Variants in GAS7 observed in about 807,000 individuals in gnomAD.
GAS7 encodes growth arrest-specific protein 7.
A neutral mutation model predicts 71.1 loss-of-function variants in GAS7; 28 were observed. The observed-to-expected ratio is 0.39, with a 90% CI of 0.29 to 0.54. The LOEUF is 0.54. Ranked by LOEUF, GAS7 falls within the 20% of genes least tolerant of loss-of-function variation. The probability of loss-of-function intolerance (pLI) is 0.62; values close to 1 mark genes in which losing one functional copy is unlikely to be tolerated. For synonymous variants in GAS7, 258 were observed against 245.8 expected (o/e 1.05, Z -0.46); for missense variants, 436 against 627.8 (o/e 0.69, Z 3.27).
chr17:9,952,242 C>A (rs537411010), intron 5 of GAS7, among the ~76,000 whole-genome samples: 1 of 152,256 alleles, frequency 6.6e-6, no homozygotes, highest in African/African-American at 2.4e-5. Flanking sequence ...ACTTTGAGAA[C>A]CAGCATTCGT....
rs555374497 is a variant in GAS7, at chr17:10,090,763, G to A, written c.184-70866C>T. Among the ~76,000 whole-genome samples the A allele has an allele frequency of 3.3e-3, 506 of 152,260 alleles. 2 individuals carry two copies. The highest frequency in any genetic ancestry group is 9.7e-3 in the South Asian group (47 of 4,824). ...ACATCCTCAGTTTTTGGATGAGGACGTGGAGTGCCCAGATAGGGAGTGACT... is the reference window on the plus strand; with the variant it reads ...ACATCCTCAGTTTTTGGATGAGGACATGGAGTGCCCAGATAGGGAGTGACT... On this transcript the variant is annotated intron_variant, in intron 1 of 13. Transcript: ENST00000432992.
chr17:10,017,427 C>G (rs964691293), intron 2 of GAS7, among the ~76,000 whole-genome samples: 12 of 151,768 alleles, frequency 7.9e-5, no homozygotes, highest in African/African-American at 2.4e-5. Flanking sequence ...CTCACGCGTT[C>G]AAGCGATTCT....
intron 1 of GAS7, among the ~76,000 whole-genome samples, chr17:10,104,860 C>A: frequency 6.6e-6 from 1 of 152,140 alleles, no homozygotes; most frequent in South Asian, 2.1e-4. Flanking sequence ...CTTTTCATCC[C>A]CTCCAATTCA....
intron 1 of GAS7, among the ~76,000 whole-genome samples, chr17:10,190,065 G>A (rs945596451): frequency 6.6e-6 from 1 of 152,184 alleles, no homozygotes; most frequent in Non-Finnish European, 1.5e-5. Flanking sequence ...ACGCCCATTG[G>A]CTTTCGGATT....
At chr17:10,016,620 AAAAAC>A (rs1567542562) in intron 2 of GAS7, among the ~76,000 whole-genome samples, 76 of 131,600 alleles carry the variant, frequency 5.8e-4, no homozygotes, top group South Asian at 2.3e-3. Context: ...AAAAAAAAAA[AAAAAC>A]AAAACAAAAA....
chr17:9,933,323 C>A (rs187920245), intron 9 of GAS7, among the ~76,000 whole-genome samples: 1 of 152,150 alleles, frequency 6.6e-6, no homozygotes, highest in Non-Finnish European at 1.5e-5. Flanking sequence ...TAGGAAGAGA[C>A]AGGACATCCT....
chr17:10,055,451 A>G (rs1451207973), intron 1 of GAS7, among the ~76,000 whole-genome samples: 1 of 152,162 alleles, frequency 6.6e-6, no homozygotes, highest in Non-Finnish European at 1.5e-5. Context: ...CCCTGTTCCC[A>G]GACTTCCTGC....
rs999666577 is a variant in GAS7 at position 9,913,471 on chromosome 17, T to C, written c.*3757A>G. ...AAAAGGGACTTTGGCTCAGCCCAGA[T>C]TTTTCTGCATCCATCCACTCATCTA... On this transcript the variant is annotated 3_prime_UTR_variant, in exon 14 of 14. Transcript: ENST00000432992. 4 of 232,422 alleles carry C rather than the reference T, an allele frequency of 1.7e-5. No homozygotes were observed. Among genetic ancestry groups the C allele is most frequent in the Non-Finnish European group, 2.6e-5 (3 of 117,296 alleles). The allele number at this position is 232,422 out of a possible 1,614,324, so 14.4% of individuals were successfully genotyped here.
intron 2 of GAS7, among the ~76,000 whole-genome samples, chr17:9,997,759 C>T (rs530182121): frequency 6.6e-6 from 1 of 152,266 alleles, no homozygotes; most frequent in Non-Finnish European, 1.5e-5. Flanking sequence ...ACTCCCTCCA[C>T]GGGTTCGATT....
At chr17:10,195,504 C>T (rs1372223894) in intron 1 of GAS7, among the ~76,000 whole-genome samples, 1 of 152,188 alleles carries the variant, frequency 6.6e-6, no homozygotes, top group Non-Finnish European at 1.5e-5. Context: ...ATGCCATATT[C>T]ATCTGTGTAC....
chr17:10,121,402 A>C (rs556801003), intron 1 of GAS7, among the ~76,000 whole-genome samples: 1 of 152,282 alleles, frequency 6.6e-6, no homozygotes, highest in Admixed American at 6.5e-5. Flanking sequence ...AAAAAATTTA[A>C]AAATTTAAAA....
At chr17:10,029,498 T>C (rs1185896003) in intron 1 of GAS7, among the ~76,000 whole-genome samples, 1 of 152,172 alleles carries the variant, frequency 6.6e-6, no homozygotes, top group African/African-American at 2.4e-5. Context: ...TGTATACATG[T>C]TGCTATTCTC....
chr17:10,132,190 A>G (rs1056379362), intron 1 of GAS7, among the ~76,000 whole-genome samples: 3 of 152,220 alleles, frequency 2.0e-5, no homozygotes, highest in African/African-American at 7.2e-5. Flanking sequence ...GTGCTCACGT[A>G]CTCACAATTC....
intron 1 of GAS7, among the ~76,000 whole-genome samples, chr17:10,164,607 GTGAGCCATGATCATA>G (rs899879304): frequency 4.0e-5 from 6 of 151,784 alleles, no homozygotes; most frequent in African/African-American, 7.2e-5. Context: ...CAAGGTGGCA[GTGAGCCATGATCATA>G]CCTGTGAATA....
At chr17:10,136,048 G>C (rs1239754246) in intron 1 of GAS7, among the ~76,000 whole-genome samples, 3 of 152,192 alleles carry the variant, frequency 2.0e-5, no homozygotes, top group Admixed American at 2.0e-4. Flanking sequence ...ACCGTCTGAA[G>C]GGACCAGACA....
chr17:10,064,153 C>T (rs918938501), intron 1 of GAS7, among the ~76,000 whole-genome samples: 1 of 152,152 alleles, frequency 6.6e-6, no homozygotes, highest in Non-Finnish European at 1.5e-5. Context: ...CACTCAATCC[C>T]CTACACCTTC....
chr17:10,004,937 G>A (rs2071410340), intron 2 of GAS7, among the ~76,000 whole-genome samples: 2 of 152,128 alleles, frequency 1.3e-5, no homozygotes, highest in Admixed American at 6.5e-5. Context: ...TTGAACCCGG[G>A]AGGCAGAGGT....
In GAS7 at chr17:9,959,422, C is replaced by T; in HGVS notation, c.472-167G>A. 1.4e-6 allele frequency: 2 copies of T among 1,455,654 alleles called. No homozygotes were observed. The highest frequency in any genetic ancestry group is 1.8e-6 in the Non-Finnish European group (2 of 1,103,944). 90.2% of individuals were successfully genotyped at this position (1,455,654 alleles called of 1,614,324 possible). ...GGGCAAGCAGGGGTCTCCCTGACCC[C>T]ACGCTGTTCCCACGCCCAGCTCTCG... On this transcript the variant is annotated intron_variant, in intron 4 of 13. Transcript: ENST00000432992. This position sits in a 1 kb window ranked among gnomAD's most constrained non-coding sequence, Gnocchi z 5.0.
At chr17:9,964,630 A>G (rs2069632822) in intron 4 of GAS7, among the ~76,000 whole-genome samples, 1 of 152,220 alleles carries the variant, frequency 6.6e-6, no homozygotes, top group Non-Finnish European at 1.5e-5. Context: ...GTCTTAGAAT[A>G]GGTATCTTTT....
Sources: gnomAD v4.1 joint callset for allele counts (sites outside exome capture counted in the v4.1 genomes callset) on GRCh38, gnomAD v4.1.1 for gene constraint, Gnocchi (gnomAD v3.1) non-coding constraint, MANE v1.5 for transcripts, NCBI Gene and HGNC (gene_info 2026-07-23, HGNC 2026-07-21) for gene names.